RBM27: variants seen among roughly 807,000 people sequenced by gnomAD.
RBM27 encodes the protein RNA binding motif protein 27.
A neutral mutation model predicts 135.3 loss-of-function variants in RBM27; 22 were observed. That is an observed-to-expected ratio of 0.16 (90% CI 0.12 to 0.23). The LOEUF is 0.23. Ranked by LOEUF, RBM27 falls within the 10% of genes least tolerant of loss-of-function variation. The pLI is 1.00. For synonymous variants in RBM27, 481 were observed against 442.4 expected, an observed-to-expected ratio of 1.09 and a Z score of -1.10; for missense variants, 1,009 against 1,281.0, an observed-to-expected ratio of 0.79 and a Z score of 3.24.
intron 3 of RBM27, among the ~76,000 whole-genome samples, chr5:146,224,040 A>G (rs6878005): frequency 0.38 from 57,562 of 152,032 alleles, 11,448 homozygotes; most frequent in African/African-American, 0.48. Flanking sequence ...AATTGTTTGA[A>G]CCAAGAAGGA....
intron 13 of RBM27, among the ~76,000 whole-genome samples, chr5:146,262,545 C>T (rs951659677): frequency 6.6e-6 from 1 of 152,172 alleles, no homozygotes; most frequent in Non-Finnish European, 1.5e-5. Context: ...AGAGATTGAC[C>T]TAGATAATCT....
At chr5:146,257,568 G>T (rs769399116) in intron 10 of RBM27, among the ~76,000 whole-genome samples, 1 of 152,028 alleles carries the variant, frequency 6.6e-6, no homozygotes, top group Non-Finnish European at 1.5e-5. Flanking sequence ...TGAATCTCTT[G>T]AAATTAATTG....
intron 7 of RBM27, among the ~76,000 whole-genome samples, chr5:146,236,140 G>A (rs543227664): frequency 6.6e-6 from 1 of 152,170 alleles, no homozygotes; most frequent in Non-Finnish European, 1.5e-5. Context: ...CTATTTAAAA[G>A]TTAAATTCAA....
At position 146,203,704 on chromosome 5, in the gene RBM27, C is replaced by T. The variant is rs1436744189; in HGVS notation, c.-62C>T. ...CTGTGAAGGGAACGTGAGGGGGCGGCGTAGTGGAGACCCACGGCAGGCCTG... is the reference window on the plus strand; with the variant it reads ...CTGTGAAGGGAACGTGAGGGGGCGGTGTAGTGGAGACCCACGGCAGGCCTG... On this transcript the variant is annotated 5_prime_UTR_variant, in exon 1 of 21. Transcript: ENST00000265271. 3 of 1,447,398 alleles carry T rather than the reference C, an allele frequency of 2.1e-6. No homozygotes were observed. The highest frequency in any genetic ancestry group is 1.4e-5 in the African/African-American group (1 of 70,746). The allele number at this position is 1,447,398 out of a possible 1,614,324, so 89.7% of individuals were successfully genotyped here. A position where few individuals can be genotyped will look rare whatever the true frequency, so the allele number is the denominator to read the frequency against.
At chr5:146,276,178 T>A (rs1273788211) in intron 19 of RBM27, among the ~76,000 whole-genome samples, 1 of 151,246 alleles carries the variant, frequency 6.6e-6, no homozygotes, top group African/African-American at 2.4e-5. Context: ...ACCTCTCCAG[T>A]TTTTTTTTGA....
chr5:146,231,034 T>A, intron 6 of RBM27, 117 bp downstream of exon 6: 1 of 1,252,042 alleles, frequency 8.0e-7, no homozygotes, highest in Non-Finnish European at 1.1e-6. Context: ...TTATTTTATT[T>A]ATTTTGAGAC....
At chr5:146,231,361 T>A (rs897757219) in intron 6 of RBM27, among the ~76,000 whole-genome samples, 3 of 152,156 alleles carry the variant, frequency 2.0e-5, no homozygotes, top group Non-Finnish European at 4.4e-5. Context: ...TGCCTCGGCC[T>A]CCCAGTGTGC....
chr5:146,267,976 C>A (rs1056115248), intron 15 of RBM27, among the ~76,000 whole-genome samples: 8 of 151,962 alleles, frequency 5.3e-5, no homozygotes, highest in Non-Finnish European at 1.0e-4. Flanking sequence ...TTTTTTGATA[C>A]ACTATTATTC....
Position 146,237,318 on chromosome 5 carries a change from A to G in RBM27, c.1165A>G (p.Ser389Gly). ...TGTAGGACCACCTATAACACAATCA[A>G]GCTTGATAAACAGCCGTGACCAGCC... Reference protein sequence around the residue: ...PIPRPPITQSSLINSRDQPGT... With the variant: ...PIPRPPITQSGLINSRDQPGT... Residue 389 changes from serine (S) to glycine (G), a missense_variant, in exon 8 of 21, where the codon AGC becomes GGC. Transcript: ENST00000265271. 6.2e-7 allele frequency: 1 copy of G among 1,614,166 alleles called. No homozygotes were observed. Among genetic ancestry groups the G allele is most frequent in the Non-Finnish European group, 8.5e-7 (1 of 1,180,026 alleles).
At chr5:146,213,455 T>G (rs1756057083) in intron 1 of RBM27, among the ~76,000 whole-genome samples, 1 of 152,182 alleles carries the variant, frequency 6.6e-6, no homozygotes, top group African/African-American at 2.4e-5. Flanking sequence ...AGATTTTTTT[T>G]TTTTAAGCTG....
intron 7 of RBM27, 56 bp downstream of exon 7, chr5:146,233,799 C>G: frequency 2.4e-6 from 3 of 1,240,362 alleles, no homozygotes; most frequent in Non-Finnish European, 3.2e-6. Context: ...GAACCTCATC[C>G]CTTTTAGCTA....
chr5:146,226,282 C>G (rs978736514), intron 3 of RBM27, among the ~76,000 whole-genome samples: 7 of 151,668 alleles, frequency 4.6e-5, no homozygotes, highest in African/African-American at 1.5e-4. Flanking sequence ...TTTTTTGTAA[C>G]GTGTTTTTTA....
intron 1 of RBM27, among the ~76,000 whole-genome samples, chr5:146,205,790 G>T (rs1338086209): frequency 6.6e-6 from 1 of 152,198 alleles, no homozygotes; most frequent in African/African-American, 2.4e-5. Flanking sequence ...GGGGGCCTAG[G>T]CGGGCGGATC....
At chr5:146,205,045 G>A (rs560762618) in intron 1 of RBM27, among the ~76,000 whole-genome samples, 32 of 152,254 alleles carry the variant, frequency 2.1e-4, no homozygotes, top group African/African-American at 7.7e-4. Flanking sequence ...CTACCGGCGC[G>A]CGCCACCACG....
chr5:146,237,225 A>G, intron 7 of RBM27, 73 bp from the exon 8 acceptor site: 1 of 1,571,832 alleles, frequency 6.4e-7, no homozygotes, highest in Non-Finnish European at 8.7e-7. Context: ...GGTGTGAGCC[A>G]CTGCTCCTGG....
intron 8 of RBM27, among the ~76,000 whole-genome samples, chr5:146,249,782 G>T (rs1192781486): frequency 6.7e-6 from 1 of 149,376 alleles, no homozygotes; most frequent in Non-Finnish European, 1.5e-5. Context: ...CTTTTTAAAT[G>T]TACTTTTTTT....
chr5:146,288,383 T>G lies in RBM27; in HGVS notation c.*2353T>G, dbSNP rs1163217227. 5.3e-5 allele frequency: 8 copies of G among 152,090 alleles called. No homozygotes were observed. The highest frequency in any genetic ancestry group is 1.2e-4 in the Non-Finnish European group (8 of 67,954). The allele number at this position is 152,090 out of a possible 1,614,324, so 9.4% of individuals were successfully genotyped here. A position where few individuals can be genotyped will look rare whatever the true frequency, so the allele number is the denominator to read the frequency against. On this transcript the variant is annotated 3_prime_UTR_variant, in exon 21 of 21. Coordinates refer to ENST00000265271, the MANE Select transcript of RBM27 (RefSeq NM_018989.2). Reference sequence around the variant, plus strand: ...GTTTTCAGTACACCTTAAACAGGACTAAAAATACTTTAAAAGTGTGCTTTC... The same window carrying G: ...GTTTTCAGTACACCTTAAACAGGACGAAAAATACTTTAAAAGTGTGCTTTC...
intron 15 of RBM27, 144 bp from the exon 16 acceptor site, chr5:146,269,063 G>A (rs1355805706): frequency 3.8e-6 from 2 of 522,102 alleles, no homozygotes; most frequent in South Asian, 3.2e-5. Context: ...AAGTGTTAGG[G>A]AAAATATATT....
At chr5:146,263,378 C>T (rs1214751663) in intron 13 of RBM27, 113 bp from the exon 14 acceptor site, 5 of 1,019,218 alleles carry the variant, frequency 4.9e-6, no homozygotes, top group Non-Finnish European at 7.1e-6. Flanking sequence ...ATTGAAGCAC[C>T]TTCCCGTTCC....
Sources: allele counts gnomAD v4.1 joint callset (sites outside exome capture counted in the v4.1 genomes callset), GRCh38; gene constraint gnomAD v4.1.1; transcripts MANE v1.5; gene names NCBI Gene and HGNC (gene_info 2026-07-23, HGNC 2026-07-21).